The following PPP2R5E variants were observed in gnomAD, a reference collection of about 807,000 sequenced individuals.
PPP2R5E encodes the protein serine/threonine-protein phosphatase 2A 56 kDa regulatory subunit epsilon isoform.
PPP2R5E carries 4 observed loss-of-function variants against 65.3 expected under a neutral mutation model. The observed-to-expected ratio is 0.06, with a 90% confidence interval of 0.03 to 0.14. The LOEUF is 0.14. PPP2R5E is among the 10% of genes least tolerant of loss of function. The pLI, the probability that PPP2R5E is intolerant of heterozygous loss-of-function variation, is 1.00. For missense variants in PPP2R5E, 274 were observed against 556.1 expected (o/e 0.49, Z 5.10); for synonymous variants, 183 against 187.4 (o/e 0.98, Z 0.19).
intron 5 of PPP2R5E, among the ~76,000 whole-genome samples, chr14:63,409,371 C>A (rs538116237): frequency 6.6e-6 from 1 of 152,318 alleles, no homozygotes; most frequent in South Asian, 2.1e-4. Context: ...TACACCTCTG[C>A]ACTCCAGCCT....
At chr14:63,431,114 A>T (rs1887646114) in intron 3 of PPP2R5E, among the ~76,000 whole-genome samples, 1 of 152,170 alleles carries the variant, frequency 6.6e-6, no homozygotes, top group Non-Finnish European at 1.5e-5. Context: ...CTAAAAATAC[A>T]AAAATTAGCT....
intron 2 of PPP2R5E, among the ~76,000 whole-genome samples, chr14:63,531,657 AAC>A (rs148804370): frequency 6.6e-6 from 1 of 151,724 alleles, no homozygotes; most frequent in African/African-American, 2.4e-5. Flanking sequence ...TTATTTTTTA[AAC>A]ACACACACAC....
At chr14:63,420,201 T>A (rs1462478069) in intron 4 of PPP2R5E, among the ~76,000 whole-genome samples, 1 of 152,164 alleles carries the variant, frequency 6.6e-6, no homozygotes, top group Non-Finnish European at 1.5e-5. Context: ...AGACATCTCT[T>A]TCCTTGTCTT....
At chr14:63,540,135 A>C (rs1893830848) in intron 1 of PPP2R5E, among the ~76,000 whole-genome samples, 1 of 149,116 alleles carries the variant, frequency 6.7e-6, no homozygotes, top group Non-Finnish European at 1.5e-5. Context: ...TCCTTTAAAA[A>C]AAAAAAAAAA....
intron 2 of PPP2R5E, among the ~76,000 whole-genome samples, chr14:63,500,103 A>AG (rs1891788526): frequency 6.6e-6 from 1 of 152,166 alleles, no homozygotes; most frequent in African/African-American, 2.4e-5. Context: ...CCATCTATAG[A>AG]GGGGGTGGTG....
intron 3 of PPP2R5E, among the ~76,000 whole-genome samples, chr14:63,449,330 A>C (rs1344431399): frequency 6.6e-6 from 1 of 152,264 alleles, no homozygotes; most frequent in Admixed American, 6.5e-5. Flanking sequence ...AAGAAGTAAC[A>C]GTGGGTTCCA....
In PPP2R5E at chr14:63,372,747, C is replaced by A. The variant is rs1185636796; in HGVS notation, c.*3262G>T. 5 of 151,980 alleles carry A rather than the reference C, an allele frequency of 3.3e-5. No individual in the cohort carries two copies. 9.4% of individuals were successfully genotyped at this position (151,980 alleles called of 1,614,324 possible). On this transcript the variant is annotated 3_prime_UTR_variant, in exon 14 of 14. Coordinates refer to ENST00000337537, the MANE Select transcript of PPP2R5E (RefSeq NM_006246.5). ...TAGTGTGATTGAGCCTAGGGCTATA[C>A]ATTTAAGTATAGCAGGTGCAATTAC... is the stretch of plus-strand genomic sequence containing the variant.
At chr14:63,460,401 T>C (rs1314275934) in intron 2 of PPP2R5E, among the ~76,000 whole-genome samples, 1 of 152,126 alleles carries the variant, frequency 6.6e-6, no homozygotes, top group Non-Finnish European at 1.5e-5. Flanking sequence ...CCAATAACAA[T>C]GATGATAATG....
intron 3 of PPP2R5E, among the ~76,000 whole-genome samples, chr14:63,429,921 C>T (rs980289376): frequency 1.3e-5 from 2 of 151,934 alleles, no homozygotes; most frequent in South Asian, 2.1e-4. Context: ...TGACCTCAGG[C>T]GATCCACCCG....
intron 2 of PPP2R5E, among the ~76,000 whole-genome samples, chr14:63,469,463 C>A (rs373978882): frequency 2.0e-5 from 3 of 152,096 alleles, no homozygotes; most frequent in African/African-American, 4.8e-5. Flanking sequence ...GAGGCCGAGG[C>A]GGGCTGATCA....
chr14:63,462,928 C>T (rs996963182), intron 2 of PPP2R5E, among the ~76,000 whole-genome samples: 1 of 151,486 alleles, frequency 6.6e-6, no homozygotes, highest in Non-Finnish European at 1.5e-5. Context: ...CATAGAGAAA[C>T]TCTATCTCTA....
intron 3 of PPP2R5E, among the ~76,000 whole-genome samples, chr14:63,448,822 C>G (rs1888656113): frequency 6.8e-6 from 1 of 147,242 alleles, no homozygotes; most frequent in South Asian, 2.1e-4. Flanking sequence ...CCCCCAATAT[C>G]TATGAAGTGC....
At chr14:63,437,830 C>T (rs1566702062) in intron 3 of PPP2R5E, among the ~76,000 whole-genome samples, 1 of 152,186 alleles carries the variant, frequency 6.6e-6, no homozygotes, top group Non-Finnish European at 1.5e-5. Flanking sequence ...TGCTCTCCAA[C>T]TTAGCAAATA....
chr14:63,512,078 TAAAAAAAAAAAA>T (rs57623942), intron 2 of PPP2R5E, among the ~76,000 whole-genome samples: 3 of 87,076 alleles, frequency 3.4e-5, no homozygotes, highest in South Asian at 4.1e-4. Context: ...GACTCTGCGG[TAAAAAAAAAAAA>T]AAAAAAAAAA....
intron 2 of PPP2R5E, among the ~76,000 whole-genome samples, chr14:63,514,988 C>T (rs933547600): frequency 6.6e-6 from 1 of 152,164 alleles, no homozygotes; most frequent in Non-Finnish European, 1.5e-5. Context: ...CCAAACCTAT[C>T]CCTCTTTTCA....
chr14:63,497,954 A>G (rs1891662635), intron 2 of PPP2R5E, among the ~76,000 whole-genome samples: 1 of 152,194 alleles, frequency 6.6e-6, no homozygotes, highest in African/African-American at 2.4e-5. Context: ...TATAATATCA[A>G]TAAATCTCAT....
At chr14:63,533,373 C>A (rs949907733) in intron 2 of PPP2R5E, among the ~76,000 whole-genome samples, 3 of 151,544 alleles carry the variant, frequency 2.0e-5, no homozygotes, top group African/African-American at 7.3e-5. Context: ...ACCAGCCTGA[C>A]CAACATGGAG....
intron 2 of PPP2R5E, among the ~76,000 whole-genome samples, chr14:63,504,952 C>G (rs1566749470): frequency 6.6e-6 from 1 of 152,168 alleles, no homozygotes; most frequent in Non-Finnish European, 1.5e-5. Flanking sequence ...AGATGGGGAT[C>G]ATTAAGGACT....
At chr14:63,404,720 C>T (rs1294767024) in intron 5 of PPP2R5E, among the ~76,000 whole-genome samples, 3 of 152,218 alleles carry the variant, frequency 2.0e-5, no homozygotes, top group East Asian at 3.8e-4. Flanking sequence ...CCAAGTCACA[C>T]GCTTTTATTT....
Sources: gnomAD v4.1 joint callset for allele counts (sites outside exome capture counted in the v4.1 genomes callset) on GRCh38, gnomAD v4.1.1 for gene constraint, MANE v1.5 for transcripts, NCBI Gene and HGNC (gene_info 2026-07-23, HGNC 2026-07-21) for gene names.